Variants in HTR2A observed in about 807,000 individuals in gnomAD.
The protein encoded by HTR2A is 5-hydroxytryptamine receptor 2A, also known as 5-HT2 receptor.
In HTR2A, 14 loss-of-function variants were observed where a neutral mutation model predicts 31.0. The ratio of observed to expected loss-of-function variants is 0.45; its 90% confidence interval spans 0.30 to 0.71. HTR2A has a LOEUF of 0.71. Ranked by LOEUF, HTR2A falls within the 30% of genes least tolerant of loss-of-function variation. The pLI, the probability that HTR2A is intolerant of heterozygous loss-of-function variation, is 0.09. For missense variants in HTR2A, 442 were observed against 573.3 expected (o/e 0.77, Z 2.34); for synonymous variants, 209 against 225.2 (o/e 0.93, Z 0.64).
At chr13:46,880,116 A>T (rs1950948751) in intron 3 of HTR2A, among the ~76,000 whole-genome samples, 1 of 152,146 alleles carries the variant, frequency 6.6e-6, no homozygotes, top group Admixed American at 6.5e-5. Context: ...GCAGAGTAAA[A>T]TTTTCTCCAG....
chr13:46,862,375 G>C (rs1236739484), intron 3 of HTR2A, among the ~76,000 whole-genome samples: 1 of 152,182 alleles, frequency 6.6e-6, no homozygotes, highest in Non-Finnish European at 1.5e-5. Context: ...GGAGTGCAAA[G>C]GTAAGAACTG....
At chr13:46,858,490 T>C (rs1950756074) in intron 3 of HTR2A, among the ~76,000 whole-genome samples, 1 of 152,214 alleles carries the variant, frequency 6.6e-6, no homozygotes, top group African/African-American at 2.4e-5. Context: ...GGGTTTTGCC[T>C]GTCATGTTTT....
intron 3 of HTR2A, among the ~76,000 whole-genome samples, chr13:46,866,198 G>A (rs142460848): frequency 7.5e-4 from 114 of 152,236 alleles, no homozygotes; most frequent in Non-Finnish European, 1.3e-3. Flanking sequence ...TATAGGGTTC[G>A]GAGCAATGCA....
At chr13:46,840,504 T>C (rs890787663) in intron 3 of HTR2A, among the ~76,000 whole-genome samples, 5 of 152,204 alleles carry the variant, frequency 3.3e-5, no homozygotes, top group Non-Finnish European at 7.3e-5. Context: ...TTTACAAAAT[T>C]GTTAAAACAT....
chr13:46,848,815 G>A (rs1950661920), intron 3 of HTR2A, among the ~76,000 whole-genome samples: 1 of 152,008 alleles, frequency 6.6e-6, no homozygotes, highest in African/African-American at 2.4e-5. Context: ...TCATTTTGTA[G>A]TTCATACTTT....
chr13:46,840,651 A>G (rs1474972196), intron 3 of HTR2A, among the ~76,000 whole-genome samples: 1 of 152,148 alleles, frequency 6.6e-6, no homozygotes, highest in African/African-American at 2.4e-5. Context: ...CAGGGTTCTT[A>G]ATTCTTATGG....
chr13:46,866,900 G>T (rs191536900), intron 3 of HTR2A, among the ~76,000 whole-genome samples: 188 of 152,210 alleles, frequency 1.2e-3, no homozygotes, highest in African/African-American at 4.3e-3. Flanking sequence ...GGTGGTGGGC[G>T]CCTGTAATCC....
chr13:46,895,642 T>C lies in HTR2A; in HGVS notation c.265A>G (p.Ile89Val). The C allele has an allele frequency of 6.2e-7, 1 of 1,614,182 alleles. No individual in the cohort carries two copies. The highest frequency in any genetic ancestry group is 1.1e-5 in the South Asian group (1 of 91,076). Residue 89 changes from isoleucine (I) to valine (V), a missense_variant, in exon 2 of 4, where the codon ATT becomes GTT. Physicochemically the swap from Ile to Val is conservative, Grantham distance 29 (BLOSUM62 3). Coordinates refer to ENST00000542664, the MANE Select transcript of HTR2A (RefSeq NM_000621.5). This position sits in a 1 kb window ranked among gnomAD's most constrained non-coding sequence, Gnocchi z 4.4. ...LLTAVVIILT[I>V]AGNILVIMAV... ...ATGATGACGAGTATGTTTCCAGCAA[T>C]AGTTAGAATAATCACTACGGCTGTC... is the stretch of plus-strand genomic sequence containing the variant.
intron 3 of HTR2A, chr13:46,853,933 T>C (rs1170854848): frequency 6.6e-6 from 1 of 152,254 alleles, no homozygotes; most frequent in Admixed American, 6.5e-5. Context: ...CTTTTCCTTC[T>C]GTTAGGTTTA....
chr13:46,880,781 G>A (rs1201639897), intron 3 of HTR2A, among the ~76,000 whole-genome samples: 1 of 152,138 alleles, frequency 6.6e-6, no homozygotes, highest in Non-Finnish European at 1.5e-5. Context: ...AGAGGTTGCG[G>A]TGAGCCAAAA....
intron 3 of HTR2A, among the ~76,000 whole-genome samples, chr13:46,835,948 A>G (rs911453096): frequency 1.3e-5 from 2 of 152,098 alleles, no homozygotes; most frequent in South Asian, 4.1e-4. Flanking sequence ...AAACACACAG[A>G]GAGGCAAATA....
In HTR2A at chr13:46,835,519, A is replaced by G. The variant is rs747095073; in HGVS notation, c.734T>C (p.Ile245Thr). 6.2e-7 allele frequency: 1 copy of G among 1,614,086 alleles called. No homozygotes were observed. The highest frequency in any genetic ancestry group is 1.1e-5 in the South Asian group (1 of 91,084). ...VLIGSFVSFF[I>T]PLTIMVITYF... ...GGTGATCACCATGATGGTTAAGGGA[A>G]TGAAAAATGACACAAAAGAGCCGAT... The change falls in exon 4 of 4, where the codon ATT (isoleucine) becomes ACT (threonine). Residue 245 changes from isoleucine (I) to threonine (T), a missense_variant. Ile to Thr is a moderately conservative substitution (Grantham distance 89, BLOSUM62 -1). Coordinates refer to ENST00000542664, the MANE Select transcript of HTR2A (RefSeq NM_000621.5).
intron 3 of HTR2A, among the ~76,000 whole-genome samples, chr13:46,881,740 C>T (rs540900094): frequency 3.2e-4 from 48 of 152,266 alleles, no homozygotes; most frequent in Middle Eastern, 3.4e-3. Flanking sequence ...AGGAGTTGGG[C>T]ATAAACCTGG....
In HTR2A at chr13:46,834,805, TG is replaced by T. The variant is rs765043077; in HGVS notation, c.*31del. Reference sequence around the variant, plus strand: ...CAGATAGGTGAAAACTTGCTCAGTGTGCCTTCCACAGTTGCCACGGCAACTA... The same window carrying T: ...CAGATAGGTGAAAACTTGCTCAGTGTCCTTCCACAGTTGCCACGGCAACTA... On this transcript the variant is annotated 3_prime_UTR_variant, in exon 4 of 4. Coordinates refer to ENST00000542664, the MANE Select transcript of HTR2A (RefSeq NM_000621.5). 6.5e-7 allele frequency: 1 copy of T among 1,539,698 alleles called. No individual in the cohort carries two copies. Among genetic ancestry groups the T allele is most frequent in the South Asian group, 1.2e-5 (1 of 81,042 alleles).
chr13:46,863,630 G>GAAAAAAAAAAAAA (rs59693757), intron 3 of HTR2A, among the ~76,000 whole-genome samples: 196 of 59,256 alleles, frequency 3.3e-3, no homozygotes, highest in African/African-American at 5.4e-3. Flanking sequence ...CCCTCAAAAT[G>GAAAAAAAAAAAAA]AAAAAAAAAA....
intron 3 of HTR2A, among the ~76,000 whole-genome samples, chr13:46,890,860 G>A (rs1300118983): frequency 6.6e-6 from 1 of 152,046 alleles, no homozygotes; most frequent in Admixed American, 6.6e-5. Context: ...AACTCTGACT[G>A]CCCCTTAGAA....
intron 3 of HTR2A, among the ~76,000 whole-genome samples, chr13:46,878,715 A>C (rs907984946): frequency 6.6e-6 from 1 of 152,220 alleles, no homozygotes; most frequent in Non-Finnish European, 1.5e-5. Flanking sequence ...TGAAGAAATC[A>C]GTCCACAGAA....
chr13:46,837,548 T>G (rs1304322774), intron 3 of HTR2A, among the ~76,000 whole-genome samples: 3 of 152,152 alleles, frequency 2.0e-5, no homozygotes, highest in Non-Finnish European at 4.4e-5. Context: ...TGGTTACTGC[T>G]TCTGACCGTC....
At chr13:46,876,967 T>G (rs1370137935) in intron 3 of HTR2A, among the ~76,000 whole-genome samples, 2 of 152,166 alleles carry the variant, frequency 1.3e-5, no homozygotes, top group Non-Finnish European at 2.9e-5. Flanking sequence ...TTTAAATAAG[T>G]GAGCTTATTG....
Sources: gnomAD v4.1 joint callset for allele counts (sites outside exome capture counted in the v4.1 genomes callset) on GRCh38, gnomAD v4.1.1 for gene constraint, Gnocchi (gnomAD v3.1) non-coding constraint, MANE v1.5 for transcripts, NCBI Gene and HGNC (gene_info 2026-07-23, HGNC 2026-07-21) for gene names.